GPR160: variants seen among roughly 807,000 people sequenced by gnomAD.
The protein encoded by GPR160 is probable G protein-coupled receptor 160.
In GPR160, 2 loss-of-function variants were observed where a neutral mutation model predicts 2.6. That is an observed-to-expected ratio of 0.77 (90% confidence interval 0.32 to 2.44). The LOEUF is 2.44. GPR160 is among the 30% of genes most tolerant of loss of function. The pLI is 0.11. For missense variants in GPR160, 351 were observed against 383.6 expected, an observed-to-expected ratio of 0.91 and a Z score of 0.71; for synonymous variants, 130 against 132.2, an observed-to-expected ratio of 0.98 and a Z score of 0.12.
In GPR160 at chr3:170,038,754, G is replaced by A. The variant is rs1437717654; in HGVS notation, c.-321-161G>A. 6.6e-6 allele frequency: 1 copy of A among 152,160 alleles called. No individual in the cohort carries two copies. The highest frequency in any genetic ancestry group is 1.5e-5 in the Non-Finnish European group (1 of 68,030). The allele number at this position is 152,160 out of a possible 1,614,324, so 9.4% of individuals were successfully genotyped here. A position where few individuals can be genotyped will look rare whatever the true frequency, so the allele number is the denominator to read the frequency against. ...GCGCCCCCGCCCGCGCCCGCCACTGGGATTAAGCCCCAGGGCCTTGCCCGG... is the reference window on the plus strand; with the variant it reads ...GCGCCCCCGCCCGCGCCCGCCACTGAGATTAAGCCCCAGGGCCTTGCCCGG... On this transcript the variant is annotated intron_variant, in intron 1 of 3. Coordinates refer to ENST00000355897, the MANE Select transcript of GPR160 (RefSeq NM_014373.3). The surrounding 1 kb of genome is among the most constrained non-coding windows in gnomAD (Gnocchi z 5.3).
chr3:170,067,688 T>G (rs1259842365), intron 2 of GPR160, among the ~76,000 whole-genome samples: 1 of 152,138 alleles, frequency 6.6e-6, no homozygotes, highest in Admixed American at 6.5e-5. Context: ...TCATCAGCAC[T>G]TCTTTGCATT....
At chr3:170,072,182 C>T (rs1284341543) in intron 2 of GPR160, among the ~76,000 whole-genome samples, 3 of 143,122 alleles carry the variant, frequency 2.1e-5, no homozygotes, top group Non-Finnish European at 3.0e-5. Context: ...TCAAGCGATT[C>T]TCCTTCCTCA....
chr3:170,079,704 GTT>G (rs1713033062), intron 2 of GPR160, 68 bp from the exon 3 acceptor site: 2 of 152,294 alleles, frequency 1.3e-5, no homozygotes, highest in East Asian at 3.9e-4. Context: ...TCTGGAACCA[GTT>G]TAACTGGACT....
intron 2 of GPR160, among the ~76,000 whole-genome samples, chr3:170,076,969 C>T (rs555586641): frequency 6.6e-6 from 1 of 152,288 alleles, no homozygotes; most frequent in African/African-American, 2.4e-5. Flanking sequence ...AACTTTAGCT[C>T]CAACACTTAC....
At chr3:170,056,562 A>G (rs546746103) in intron 2 of GPR160, among the ~76,000 whole-genome samples, 2 of 152,338 alleles carry the variant, frequency 1.3e-5, no homozygotes, top group South Asian at 4.1e-4. Flanking sequence ...CCAGTGTGGG[A>G]TAAGTCATCA....
chr3:170,072,812 A>G (rs1179954325), intron 2 of GPR160, among the ~76,000 whole-genome samples: 1 of 152,194 alleles, frequency 6.6e-6, no homozygotes, highest in Non-Finnish European at 1.5e-5. Context: ...CACCTTCAGC[A>G]TTGGAGATCA....
chr3:170,056,310 G>A lies in GPR160; in HGVS notation c.-193+17267G>A, dbSNP rs141280811. Among the ~76,000 whole-genome samples, 3 of 152,158 alleles carry A rather than the reference G, an allele frequency of 2.0e-5. No homozygotes were observed. In the South Asian group the frequency reaches 6.2e-4, roughly 31 times the overall value. On this transcript the variant is annotated intron_variant, in intron 2 of 3. Coordinates refer to ENST00000355897, the MANE Select transcript of GPR160 (RefSeq NM_014373.3). ...ATACTAATTTACAAGCAAACATAAG[G>A]CATTGAGTAAAAATTCATGGTAGCT... is the stretch of plus-strand genomic sequence containing the variant.
chr3:170,073,684 A>G (rs964777875), intron 2 of GPR160, among the ~76,000 whole-genome samples: 1 of 152,190 alleles, frequency 6.6e-6, no homozygotes, highest in African/African-American at 2.4e-5. Context: ...TTCATGAGGG[A>G]TGATGATCTA....
intron 2 of GPR160, among the ~76,000 whole-genome samples, chr3:170,043,528 C>A (rs1716556043): frequency 6.6e-6 from 1 of 152,148 alleles, no homozygotes; most frequent in African/African-American, 2.4e-5. Context: ...TGGGTATTAT[C>A]AGTCCATTTT....
intron 2 of GPR160, among the ~76,000 whole-genome samples, chr3:170,072,542 T>C (rs1712651269): frequency 6.6e-6 from 1 of 152,150 alleles, no homozygotes. Flanking sequence ...CTACAGACTG[T>C]ACAGGAAGCA....
intron 2 of GPR160, among the ~76,000 whole-genome samples, chr3:170,078,215 C>T (rs1712960887): frequency 6.6e-6 from 1 of 152,152 alleles, no homozygotes; most frequent in South Asian, 2.1e-4. Flanking sequence ...ACATCATGCA[C>T]AAGGGCAATG....
chr3:170,078,533 C>A (rs1274537938), intron 2 of GPR160, among the ~76,000 whole-genome samples: 1 of 152,102 alleles, frequency 6.6e-6, no homozygotes, highest in East Asian at 1.9e-4. Flanking sequence ...TCAACACTTA[C>A]AAAGAGATAA....
chr3:170,039,208 T>A (rs1188510354), intron 2 of GPR160, among the ~76,000 whole-genome samples, 165 bp downstream of exon 2: 1 of 152,182 alleles, frequency 6.6e-6, no homozygotes, highest in Admixed American at 6.5e-5. Flanking sequence ...ATGTATACAT[T>A]TGACAAGCTC....
chr3:170,062,038 G>A (rs1026922040), intron 2 of GPR160, among the ~76,000 whole-genome samples: 1 of 152,046 alleles, frequency 6.6e-6, no homozygotes, highest in African/African-American at 2.4e-5. Flanking sequence ...TATTTTATAA[G>A]GTCTATTTTA....
chr3:170,045,609 AAAAG>A (rs1169786683), intron 2 of GPR160, among the ~76,000 whole-genome samples: 2 of 151,800 alleles, frequency 1.3e-5, no homozygotes, highest in Non-Finnish European at 2.9e-5. Flanking sequence ...AAAAAATAAA[AAAAG>A]AAAGAAAAAA....
intron 2 of GPR160, among the ~76,000 whole-genome samples, chr3:170,042,185 G>T (rs539265295): frequency 2.0e-5 from 3 of 152,244 alleles, no homozygotes; most frequent in East Asian, 3.9e-4. Context: ...GTTTTTAACA[G>T]ATGGGAACAT....
At chr3:170,071,384 C>T (rs1381687315) in intron 2 of GPR160, among the ~76,000 whole-genome samples, 1 of 152,308 alleles carries the variant, frequency 6.6e-6, no homozygotes, top group African/African-American at 2.4e-5. Flanking sequence ...ATGTGAGATG[C>T]CTGTTCCCCT....
At position 170,084,070 on chromosome 3, in the gene GPR160, T is replaced by C. The variant is rs150302517; in HGVS notation, c.98T>C (p.Leu33Pro). The C allele has an allele frequency of 1.1e-4, 179 of 1,589,076 alleles. No individual in the cohort carries two copies. Among genetic ancestry groups the C allele is most frequent in the Non-Finnish European group, 1.5e-4 (173 of 1,165,270 alleles). ...DVNYLLFLII[L>P]GKILLNILTL... ...AACTATCTGCTATTCTTGATCATAC[T>C]TGGGAAAATATTATTAAATATCCTT... is the stretch of plus-strand genomic sequence containing the variant. The change falls in exon 4 of 4, where the codon CTT becomes CCT. Residue 33 changes from leucine to proline, a missense_variant. Coordinates refer to ENST00000355897, the MANE Select transcript of GPR160 (RefSeq NM_014373.3).
intron 2 of GPR160, among the ~76,000 whole-genome samples, chr3:170,066,130 C>CTTTTTTTTTTTTTTTTTTTTTTTT (rs768660597): frequency 1.2e-5 from 1 of 85,168 alleles, no homozygotes; most frequent in Non-Finnish European, 2.1e-5. Context: ...TTTTCTTTTT[C>CTTTTTTTTTTTTTTTTTTTTTTTT]TTTTTTTTTT....
Sources: gnomAD v4.1 joint callset for allele counts (sites outside exome capture counted in the v4.1 genomes callset) on GRCh38, gnomAD v4.1.1 for gene constraint, Gnocchi (gnomAD v3.1) non-coding constraint, MANE v1.5 for transcripts, NCBI Gene and HGNC (gene_info 2026-07-23, HGNC 2026-07-21) for gene names.